Variants in WDFY4 observed in about 807,000 individuals in gnomAD.
The protein encoded by WDFY4 is WDFY family member 4.
A neutral mutation model predicts 351.9 loss-of-function variants in WDFY4; 169 were observed. The ratio of observed to expected loss-of-function variants is 0.48; its 90% CI spans 0.42 to 0.55. The LOEUF is 0.55. WDFY4 is among the 20% of genes least tolerant of loss of function. The probability of loss-of-function intolerance (pLI) is 0.00; values close to 1 mark genes in which losing one functional copy is unlikely to be tolerated. For missense variants in WDFY4, 3,803 were observed against 3,935.6 expected, an observed-to-expected ratio of 0.97 and a Z score of 0.90; for synonymous variants, 1,622 against 1,574.6, an observed-to-expected ratio of 1.03 and a Z score of -0.71.
rs2063748275 is a variant in WDFY4 at position 48,710,754 on chromosome 10, CCAGAG to C, written c.234+790_234+794del. Among the ~76,000 whole-genome samples, 6 of 152,316 alleles carry C rather than the reference CCAGAG, an allele frequency of 3.9e-5. No individual in the cohort carries two copies. In the South Asian group the frequency reaches 1.2e-3, roughly 32 times the overall value. On this transcript the variant is annotated intron_variant, in intron 2 of 61. Coordinates refer to ENST00000325239, the MANE Select transcript of WDFY4 (RefSeq NM_001394531.1). ...AGTGAGGTAAAATCAGTGGAAAGCA[CCAGAG>C]CTTCACTCACATCCCGGTCACAGCT...
chr10:48,697,465 G>A (rs1374454466), intron 1 of WDFY4, among the ~76,000 whole-genome samples: 5 of 152,198 alleles, frequency 3.3e-5, no homozygotes, highest in East Asian at 1.9e-4. Context: ...TGGGGAACCC[G>A]GCCTCCAAGG....
At chr10:48,701,301 A>T (rs1253473550) in intron 1 of WDFY4, among the ~76,000 whole-genome samples, 1 of 152,190 alleles carries the variant, frequency 6.6e-6, no homozygotes, top group Non-Finnish European at 1.5e-5. Context: ...TTCATTGATT[A>T]CACATTCATC....
In WDFY4 at chr10:48,982,632, G is replaced by T; in HGVS notation, c.*57G>T. 1 of 1,509,766 alleles carries T rather than the reference G, an allele frequency of 6.6e-7. No individual in the cohort carries two copies. Among genetic ancestry groups the T allele is most frequent in the African/African-American group, 1.4e-5 (1 of 72,046 alleles). 93.5% of individuals were successfully genotyped at this position (1,509,766 alleles called of 1,614,324 possible). A position where few individuals can be genotyped will look rare whatever the true frequency, so the allele number is the denominator to read the frequency against. On this transcript the variant is annotated 3_prime_UTR_variant, in exon 62 of 62. Transcript: ENST00000325239. ...CAGTGCCAGGCTGAGGGTGGCAGAGGTGACTGGGGCCTGAGCTCTGCCTAC... is the reference window on the plus strand; with the variant it reads ...CAGTGCCAGGCTGAGGGTGGCAGAGTTGACTGGGGCCTGAGCTCTGCCTAC...
intron 11 of WDFY4, among the ~76,000 whole-genome samples, chr10:48,737,164 C>A (rs1384883370): frequency 6.6e-6 from 1 of 152,064 alleles, no homozygotes; most frequent in South Asian, 2.1e-4. Flanking sequence ...CATGTGCCAC[C>A]ACGCTTGGCT....
At chr10:48,875,175 A>C in intron 42 of WDFY4, 35 bp downstream of exon 42, 1 of 1,209,958 alleles carries the variant, frequency 8.3e-7, no homozygotes, top group Non-Finnish European at 1.1e-6. Context: ...TTTAATAGTT[A>C]AGCTAATTAT....
chr10:48,710,426 A>G (rs1265107184), intron 2 of WDFY4, among the ~76,000 whole-genome samples: 2 of 152,234 alleles, frequency 1.3e-5, no homozygotes, highest in African/African-American at 4.8e-5. Context: ...GGGAGACCCT[A>G]GCGAGAGTGT....
At chr10:48,959,951 G>A (rs1841784104) in intron 53 of WDFY4, 138 bp downstream of exon 53, 3 of 782,544 alleles carry the variant, frequency 3.8e-6, no homozygotes, top group Non-Finnish European at 2.0e-6. Context: ...AGAAGGGATG[G>A]GGTCTATACC....
intron 47 of WDFY4, among the ~76,000 whole-genome samples, chr10:48,926,816 G>A (rs952091537): frequency 6.6e-6 from 1 of 152,204 alleles, no homozygotes; most frequent in Non-Finnish European, 1.5e-5. Context: ...CACACATAAT[G>A]CCACGAGCCA....
Position 48,966,565 on chromosome 10 carries a change from A to C in WDFY4, c.8476A>C (p.Lys2826Gln), listed in dbSNP as rs555141426. ...KPHPARTAAG[K>Q]PLPGKDVSTP... ...TCACCCAGCCAGGACTGCAGCAGGG[A>C]AGCCTCTGCCTGGAAAGGATGTCTC... The change falls in exon 55 of 62, where the codon AAG becomes CAG. Residue 2826 changes from lysine (K) to glutamine (Q), a missense_variant. This residue lies in a region of WDFY4 where 3,054 missense variants were observed against 3,148.6 expected (regional missense o/e 0.97). Coordinates refer to ENST00000325239, the MANE Select transcript of WDFY4 (RefSeq NM_001394531.1). The C allele has an allele frequency of 1.9e-6, 3 of 1,552,138 alleles. No homozygotes were observed. The South Asian group carries it at 3.6e-5, about 18-fold the overall frequency.
At chr10:48,758,818 T>C (rs1036479255) in intron 12 of WDFY4, among the ~76,000 whole-genome samples, 8 of 152,334 alleles carry the variant, frequency 5.3e-5, no homozygotes, top group South Asian at 4.1e-4. Context: ...CTCTTACTTC[T>C]TGGAATTGGG....
At chr10:48,928,377 T>TGTGTGG (rs1839760495) in intron 47 of WDFY4, among the ~76,000 whole-genome samples, 1 of 151,124 alleles carries the variant, frequency 6.6e-6, no homozygotes, top group East Asian at 1.9e-4. Context: ...TGTGTGTGTG[T>TGTGTGG]GTGTGTGTGT....
At chr10:48,770,181 C>T (rs2132582497) in intron 13 of WDFY4, among the ~76,000 whole-genome samples, 1 of 152,330 alleles carries the variant, frequency 6.6e-6, no homozygotes, top group African/African-American at 2.4e-5. Flanking sequence ...TCAATTTTCT[C>T]TCCTCCATTA....
intron 19 of WDFY4, among the ~76,000 whole-genome samples, chr10:48,782,819 A>G (rs1162071340): frequency 6.6e-6 from 1 of 152,242 alleles, no homozygotes; most frequent in African/African-American, 2.4e-5. Context: ...TGAATTGGGC[A>G]AAATGATTTG....
intron 51 of WDFY4, among the ~76,000 whole-genome samples, chr10:48,954,925 A>G (rs1168829692): frequency 6.6e-6 from 1 of 152,232 alleles, no homozygotes. Context: ...TCTTTGTGGT[A>G]ATATCTTTAA....
At chr10:48,837,222 C>T (rs991940225) in intron 39 of WDFY4, among the ~76,000 whole-genome samples, 3 of 151,562 alleles carry the variant, frequency 2.0e-5, no homozygotes, top group South Asian at 2.1e-4. Context: ...GAGGAGGTGA[C>T]GCCTAGAGCT....
intron 56 of WDFY4, 135 bp from the exon 57 acceptor site, chr10:48,969,996 G>C: frequency 9.0e-7 from 1 of 1,105,868 alleles, no homozygotes; most frequent in Non-Finnish European, 1.3e-6. Flanking sequence ...TTGTCACCAA[G>C]AACTGGCTCC....
At chr10:48,853,326 G>A (rs1264700147) in intron 39 of WDFY4, among the ~76,000 whole-genome samples, 1 of 152,176 alleles carries the variant, frequency 6.6e-6, no homozygotes, top group Non-Finnish European at 1.5e-5. Context: ...AATTCAAAAT[G>A]TCTTCATGTC....
At chr10:48,729,399 A>G (rs1459063963) in intron 7 of WDFY4, 33 bp from the exon 8 acceptor site, 1 of 1,548,632 alleles carries the variant, frequency 6.5e-7, no homozygotes, top group South Asian at 1.2e-5. Flanking sequence ...CCATCTAGGA[A>G]GTACAGGGAG....
At chr10:48,787,885 CTTCTTCTCCTTCTTCTTCTTCTTCTTCT>C (rs2066489106) in intron 20 of WDFY4, among the ~76,000 whole-genome samples, 1 of 80,288 alleles carries the variant, frequency 1.2e-5, no homozygotes, top group African/African-American at 8.8e-5. Context: ...TTTCTTTCTT[CTTCTTCTCCTTCTTCTTCTTCTTCTTCT>C]TCTTCTTCTT....
Sources: gnomAD v4.1 joint callset for allele counts (sites outside exome capture counted in the v4.1 genomes callset) on GRCh38, gnomAD v4.1.1 for gene constraint, gnomAD v4.1.1 regional missense constraint, MANE v1.5 for transcripts, NCBI Gene and HGNC (gene_info 2026-07-23, HGNC 2026-07-21) for gene names.